NETO1: variants seen among roughly 807,000 people sequenced by gnomAD.
The protein encoded by NETO1 is neuropilin and tolloid like 1.
NETO1 carries 26 observed loss-of-function variants against 61.3 expected under a neutral mutation model. The ratio of observed to expected loss-of-function variants is 0.42; its 90% CI spans 0.31 to 0.59. The LOEUF is 0.59. Ranked by LOEUF, NETO1 falls within the 20% of genes least tolerant of loss-of-function variation. NETO1 has a pLI of 0.12. For missense variants in NETO1, 531 were observed against 662.8 expected, an observed-to-expected ratio of 0.80 and a Z score of 2.18; for synonymous variants, 225 against 225.8, an observed-to-expected ratio of 1.00 and a Z score of 0.03.
chr18:72,821,332 C>T (rs1010516569), intron 4 of NETO1, among the ~76,000 whole-genome samples: 2 of 149,002 alleles, frequency 1.3e-5, no homozygotes, highest in Non-Finnish European at 3.0e-5. Context: ...CACCTGAGGT[C>T]GGGAGTTCGA....
At chr18:72,867,193 C>G in intron 1 of NETO1, 71 bp downstream of exon 1, 2 of 1,221,702 alleles carry the variant, frequency 1.6e-6, no homozygotes, top group Non-Finnish European at 2.2e-6. Context: ...TTTTCCTGCG[C>G]GTTCGGCCCC....
chr18:72,777,249 C>T (rs1240380495), intron 7 of NETO1, among the ~76,000 whole-genome samples: 1 of 151,872 alleles, frequency 6.6e-6, no homozygotes, highest in Non-Finnish European at 1.5e-5. Context: ...GAAACCCAGT[C>T]TCTACTAAAT....
intron 4 of NETO1, among the ~76,000 whole-genome samples, chr18:72,833,394 T>C (rs2073642689): frequency 6.6e-6 from 1 of 152,164 alleles, no homozygotes; most frequent in Non-Finnish European, 1.5e-5. Flanking sequence ...ATCATCCTAT[T>C]TTCTCCAGTA....
intron 4 of NETO1, chr18:72,835,197 A>G (rs1181398620): frequency 2.9e-6 from 4 of 1,373,818 alleles, no homozygotes; most frequent in South Asian, 2.0e-5. Flanking sequence ...GGAGATCAGC[A>G]TGTGTGCTTC....
chr18:72,812,760 T>A (rs946823774), intron 4 of NETO1, among the ~76,000 whole-genome samples: 1 of 152,152 alleles, frequency 6.6e-6, no homozygotes, highest in Non-Finnish European at 1.5e-5. Context: ...CTCCTATAAA[T>A]AACTCATAAA....
Position 72,867,361 on chromosome 18 carries a change from G to A in NETO1, c.-70C>T. 7.4e-7 allele frequency: 1 copy of A among 1,355,248 alleles called. No individual in the cohort carries two copies. The highest frequency in any genetic ancestry group is 1.0e-6 in the Non-Finnish European group (1 of 990,140). 84.0% of individuals were successfully genotyped at this position (1,355,248 alleles called of 1,614,324 possible). A position where few individuals can be genotyped will look rare whatever the true frequency, so the allele number is the denominator to read the frequency against. Reference sequence around the variant, plus strand: ...TAGAGACGGGAAGACTTCCAGTGGCGGGGGGAGGACAGGGTCGAGAGGTGT... The same window carrying A: ...TAGAGACGGGAAGACTTCCAGTGGCAGGGGGAGGACAGGGTCGAGAGGTGT... On this transcript the variant is annotated 5_prime_UTR_variant, in exon 1 of 11. Transcript: ENST00000327305.
chr18:72,805,278 T>A (rs923164799), intron 4 of NETO1, among the ~76,000 whole-genome samples: 4 of 152,204 alleles, frequency 2.6e-5, no homozygotes, highest in African/African-American at 9.6e-5. Context: ...TCAAGAATTT[T>A]CCTATAATAC....
At chr18:72,813,896 G>GA (rs1006460287) in intron 4 of NETO1, among the ~76,000 whole-genome samples, 10 of 151,614 alleles carry the variant, frequency 6.6e-5, no homozygotes, top group Admixed American at 3.9e-4. Context: ...TGTTGAAAAA[G>GA]AAAAAAATCT....
At chr18:72,825,599 TA>T (rs1418138841) in intron 4 of NETO1, among the ~76,000 whole-genome samples, 8 of 152,128 alleles carry the variant, frequency 5.3e-5, no homozygotes, top group African/African-American at 1.9e-4. Flanking sequence ...ATTCTACTAT[TA>T]TTTTTCTCAC....
chr18:72,851,799 T>G (rs1212610601), intron 4 of NETO1, among the ~76,000 whole-genome samples: 1 of 152,198 alleles, frequency 6.6e-6, no homozygotes, highest in Non-Finnish European at 1.5e-5. Flanking sequence ...TTTCTTAATA[T>G]AACCGTACTA....
chr18:72,839,378 T>C (rs895812150), intron 4 of NETO1, among the ~76,000 whole-genome samples: 1 of 152,186 alleles, frequency 6.6e-6, no homozygotes, highest in African/African-American at 2.4e-5. Context: ...TACAATTTTG[T>C]TTTGAAAAAT....
intron 3 of NETO1, among the ~76,000 whole-genome samples, chr18:72,862,390 T>C (rs1344190248): frequency 2.0e-5 from 3 of 152,220 alleles, no homozygotes; most frequent in African/African-American, 7.2e-5. Context: ...AGCACACATC[T>C]ATCTCTCCAC....
chr18:72,864,950 T>TA lies in NETO1; in HGVS notation c.83-6dup, dbSNP rs71924600. On this transcript the variant is annotated splice_polypyrimidine_tract_variant and splice_region_variant and intron_variant, in intron 2 of 10. Transcript: ENST00000327305. ...TTTCTGAGGTGGTTTGCTTTTCTGT[T>TA]AAAAAAAAAAAAAAGTTTTAAAAAG... is the stretch of plus-strand genomic sequence containing the variant. 8.9e-3 allele frequency: 12,612 copies of TA among 1,422,610 alleles called. No homozygotes were observed. The highest frequency in any genetic ancestry group is 0.01 in the Admixed American group (438 of 42,344). 88.1% of individuals were successfully genotyped at this position (1,422,610 alleles called of 1,614,324 possible).
At chr18:72,761,451 G>T (rs1047272223) in intron 7 of NETO1, among the ~76,000 whole-genome samples, 1 of 152,140 alleles carries the variant, frequency 6.6e-6, no homozygotes, top group Non-Finnish European at 1.5e-5. Flanking sequence ...AGCTGTGTAA[G>T]ATATTTAGCT....
chr18:72,865,730 T>C (rs1329298826), intron 1 of NETO1: 26 of 1,503,294 alleles, frequency 1.7e-5, no homozygotes, highest in Non-Finnish European at 2.3e-5. Context: ...AGACAAATCC[T>C]ACAGACTGTG....
intron 4 of NETO1, among the ~76,000 whole-genome samples, chr18:72,819,718 T>C (rs9965668): frequency 0.68 from 102,899 of 151,922 alleles, 35,322 homozygotes; most frequent in Non-Finnish European, 0.72. Context: ...TTCCACCTAG[T>C]AAGAGAAAAA....
rs1274266409 is a variant in NETO1, at chr18:72,794,413, T to C, written c.470-9A>G. The C allele has an allele frequency of 6.2e-7, 1 of 1,605,970 alleles. No homozygotes were observed. Among genetic ancestry groups the C allele is most frequent in the Non-Finnish European group, 8.5e-7 (1 of 1,178,206 alleles). Reference sequence around the variant, plus strand: ...GTCCTTAAAGTCAGGATCTTAAAAATTGAGAAAAAGACAATTAGTCCCATT... The same window carrying C: ...GTCCTTAAAGTCAGGATCTTAAAAACTGAGAAAAAGACAATTAGTCCCATT... On this transcript the variant is annotated splice_polypyrimidine_tract_variant and intron_variant, in intron 4 of 10. Transcript: ENST00000327305.
intron 4 of NETO1, among the ~76,000 whole-genome samples, chr18:72,807,093 C>A (rs2072698763): frequency 6.7e-6 from 1 of 150,238 alleles, no homozygotes; most frequent in Admixed American, 6.6e-5. Context: ...TTTTAATACT[C>A]TGAGTTAATT....
intron 4 of NETO1, among the ~76,000 whole-genome samples, chr18:72,803,235 T>C (rs565261269): frequency 1.1e-4 from 17 of 152,324 alleles, no homozygotes; most frequent in Non-Finnish European, 1.9e-4. Flanking sequence ...TTAAATGAGA[T>C]TGTTGTTGAT....
Sources: allele counts gnomAD v4.1 joint callset (sites outside exome capture counted in the v4.1 genomes callset), GRCh38; gene constraint gnomAD v4.1.1; transcripts MANE v1.5; gene names NCBI Gene and HGNC (gene_info 2026-07-23, HGNC 2026-07-21).